DHRS3: variants seen among roughly 807,000 people sequenced by gnomAD.
DHRS3 encodes dehydrogenase/reductase 3.
DHRS3 carries 14 observed loss-of-function variants against 27.2 expected under a neutral mutation model. The observed-to-expected ratio is 0.52, with a 90% CI of 0.34 to 0.81. The LOEUF is 0.81. Ranked by LOEUF, DHRS3 falls within the 30% of genes least tolerant of loss-of-function variation. The pLI, the probability that DHRS3 is intolerant of heterozygous loss-of-function variation, is 0.01. For missense variants in DHRS3, 322 were observed against 406.2 expected, an observed-to-expected ratio of 0.79 and a Z score of 1.78; for synonymous variants, 165 against 175.9, an observed-to-expected ratio of 0.94 and a Z score of 0.49.
intron 1 of DHRS3, among the ~76,000 whole-genome samples, chr1:12,604,989 A>C (rs1009532169): frequency 4.0e-5 from 6 of 150,592 alleles, no homozygotes; most frequent in African/African-American, 1.5e-4. Context: ...AGGCAGGAGA[A>C]TCGTTTGAAC....
rs1008976415 is a variant in DHRS3, at chr1:12,568,491, G to C, written c.825-67C>G. 15 of 1,508,516 alleles carry C rather than the reference G, an allele frequency of 9.9e-6. No homozygotes were observed. The African/African-American group carries it at 2.1e-4, about 21-fold the overall frequency. 93.4% of individuals were successfully genotyped at this position (1,508,516 alleles called of 1,614,324 possible). ...GGCAGGATCCAGGGGCTGGGTCGCT[G>C]GTGGCCATGTGAGACGGGGCAGCAG... On this transcript the variant is annotated intron_variant, in intron 5 of 5. Coordinates refer to ENST00000616661, the MANE Select transcript of DHRS3 (RefSeq NM_004753.7).
chr1:12,577,011 G>A (rs565433414), intron 4 of DHRS3, among the ~76,000 whole-genome samples: 8 of 151,566 alleles, frequency 5.3e-5, no homozygotes, highest in Non-Finnish European at 1.2e-4. Context: ...GCACTGTCCC[G>A]ATTAATAGTA....
intron 1 of DHRS3, among the ~76,000 whole-genome samples, chr1:12,584,412 G>A (rs913241214): frequency 2.0e-5 from 3 of 152,170 alleles, no homozygotes; most frequent in East Asian, 3.9e-4. Context: ...TGTTGAGGGT[G>A]CCCCAGGCGG....
intron 5 of DHRS3, among the ~76,000 whole-genome samples, chr1:12,571,284 G>A (rs998150458): frequency 3.3e-5 from 5 of 152,206 alleles, no homozygotes; most frequent in African/African-American, 1.2e-4. Context: ...TTCTGGAGGA[G>A]GAGTCTCTCA....
chr1:12,583,652 CTCCATCCATCCATCCATTCATCTG>C lies in DHRS3; in HGVS notation c.196-3010_196-2987del, dbSNP rs1288782760. On this transcript the variant is annotated intron_variant, in intron 1 of 5. Transcript: ENST00000616661. ...ATCCATCCCTCCCTCACATACCCCA[CTCCATCCATCCATCCATTCATCTG>C]TCCATCCATCCATCCACCCATTCAT... is the stretch of plus-strand genomic sequence containing the variant. Among the ~76,000 whole-genome samples the C allele has an allele frequency of 4.8e-5, 7 of 146,600 alleles. 1 individual carries two copies. Among genetic ancestry groups the C allele is most frequent in the African/African-American group, 1.8e-4 (7 of 39,598 alleles).
chr1:12,617,324 G>C lies in DHRS3; in HGVS notation c.25C>G (p.Leu9Val), dbSNP rs1313748962. 5.0e-6 allele frequency: 8 copies of C among 1,605,024 alleles called. No homozygotes were observed. Among genetic ancestry groups the C allele is most frequent in the Non-Finnish European group, 6.8e-6 (8 of 1,173,152 alleles). MVWKRLGALVMFPLQMIYL... is the reference protein window; with the variant it reads MVWKRLGAVVMFPLQMIYL... ...ATCATCTGTAGAGGGAACATCACCA[G>C]CGCGCCCAGCCGTTTCCACACCATC... The change falls in exon 1 of 6, where the codon CTG (leucine) becomes GTG (valine). Residue 9 changes from leucine to valine, a missense_variant. Coordinates refer to ENST00000616661, the MANE Select transcript of DHRS3 (RefSeq NM_004753.7).
Position 12,592,745 on chromosome 1 carries a change from C to G in DHRS3, c.196-12079G>C, listed in dbSNP as rs1024964974. Among the ~76,000 whole-genome samples, 14 of 152,194 alleles carry G rather than the reference C, an allele frequency of 9.2e-5. No homozygotes were observed. Among genetic ancestry groups the G allele is most frequent in the African/African-American group, 3.4e-4 (14 of 41,434 alleles). On this transcript the variant is annotated intron_variant, in intron 1 of 5. Coordinates refer to ENST00000616661, the MANE Select transcript of DHRS3 (RefSeq NM_004753.7). This position sits in a 1 kb window ranked among gnomAD's most constrained non-coding sequence, Gnocchi z 4.2. The stretch of plus-strand genomic sequence containing the variant: ...TCCTCATTCAATAGAGGAGGCCAAG[C>G]GAGGCCCAGCCCCAGGCTCCCGAGG...
chr1:12,606,153 A>AC, intron 1 of DHRS3, among the ~76,000 whole-genome samples: 1 of 148,468 alleles, frequency 6.7e-6, no homozygotes, highest in East Asian at 1.9e-4. Context: ...AAAAAAAAAA[A>AC]AATAGAAATC....
chr1:12,597,803 G>A (rs112319506), intron 1 of DHRS3, among the ~76,000 whole-genome samples: 3,563 of 152,308 alleles, frequency 0.023, 50 homozygotes, highest in South Asian at 0.044. Flanking sequence ...ATCATTCGCA[G>A]GGTCCCTGGT....
intron 4 of DHRS3, 53 bp from the exon 5 acceptor site, chr1:12,572,906 C>G: frequency 1.3e-6 from 2 of 1,516,546 alleles, no homozygotes; most frequent in Non-Finnish European, 1.8e-6. Context: ...ATGTGCTTAT[C>G]TGGAAGTCTT....
At chr1:12,572,592 T>C in intron 5 of DHRS3, 136 bp downstream of exon 5, 2 of 1,379,060 alleles carry the variant, frequency 1.5e-6, no homozygotes. Flanking sequence ...GTTTGAGAAC[T>C]GCTGCCCCAC....
At chr1:12,584,599 C>T (rs535041762) in intron 1 of DHRS3, among the ~76,000 whole-genome samples, 22 of 151,238 alleles carry the variant, frequency 1.5e-4, no homozygotes, top group African/African-American at 5.1e-4. Flanking sequence ...CACAGGTGGA[C>T]GGGGAAGGGA....
At position 12,578,780 on chromosome 1, in the gene DHRS3, G is replaced by T; in HGVS notation, c.636C>A (p.Val212=). The stretch of plus-strand genomic sequence containing the variant: ...GGAAGGGCAGCACTGTGGTGGCGCT[G>T]ACTCCCGGACAGTCCAGCAGCCCCA... ...LTLGLLDCPG[V]SATTVLPFHT... is the part of the protein sequence containing the mutation. The change falls in exon 4 of 6, where the codon GTC becomes GTA. Residue 212 remains valine (V), a synonymous_variant. Transcript: ENST00000616661. This position sits in a 1 kb window ranked among gnomAD's most constrained non-coding sequence, Gnocchi z 4.5. 6.2e-7 allele frequency: 1 copy of T among 1,614,070 alleles called. No homozygotes were observed.
intron 1 of DHRS3, among the ~76,000 whole-genome samples, chr1:12,582,604 A>G (rs929389517): frequency 9.2e-5 from 14 of 152,142 alleles, no homozygotes; most frequent in African/African-American, 3.1e-4. Context: ...TGGAAAAGAA[A>G]AAAGACAAAC....
chr1:12,583,645 T>G (rs1454811976), intron 1 of DHRS3, among the ~76,000 whole-genome samples: 2 of 121,892 alleles, frequency 1.6e-5, no homozygotes, highest in Non-Finnish European at 1.7e-5. Flanking sequence ...CTCCCTCACA[T>G]ACCCCACTCC....
At chr1:12,579,782 T>G (rs1386544716) in intron 2 of DHRS3, 1 of 211,424 alleles carries the variant, frequency 4.7e-6, no homozygotes, top group Non-Finnish European at 9.6e-6. Context: ...CCAATATACT[T>G]TTTAAAAGGG....
intron 1 of DHRS3, among the ~76,000 whole-genome samples, chr1:12,602,630 A>AC (rs889007224): frequency 1.4e-4 from 21 of 152,156 alleles, no homozygotes; most frequent in Admixed American, 2.0e-4. Context: ...CCATTGCCCC[A>AC]CCTGGAAGGA....
rs1382495207 is a variant in DHRS3 at position 12,617,642 on chromosome 1, T to C, written c.-294A>G. The C allele has an allele frequency of 3.5e-6, 1 of 287,486 alleles. No homozygotes were observed. Among genetic ancestry groups the C allele is most frequent in the African/African-American group, 2.2e-5 (1 of 45,438 alleles). 17.8% of individuals were successfully genotyped at this position (287,486 alleles called of 1,614,324 possible). The stretch of plus-strand genomic sequence containing the variant: ...GTGGAAAGTTCTAACAAGAAGTTTC[T>C]TGCCCCAGCAGCCGTTTCGGCTGGG... On this transcript the variant is annotated 5_prime_UTR_variant, in exon 1 of 6. Transcript: ENST00000616661.
At chr1:12,609,847 G>C (rs1646894868) in intron 1 of DHRS3, among the ~76,000 whole-genome samples, 1 of 151,970 alleles carries the variant, frequency 6.6e-6, no homozygotes, top group African/African-American at 2.4e-5. Flanking sequence ...GCCACCTCTT[G>C]GTCCTCAGAC....
Sources: gnomAD v4.1 joint callset for allele counts (sites outside exome capture counted in the v4.1 genomes callset) on GRCh38, gnomAD v4.1.1 for gene constraint, Gnocchi (gnomAD v3.1) non-coding constraint, MANE v1.5 for transcripts, NCBI Gene and HGNC (gene_info 2026-07-23, HGNC 2026-07-21) for gene names.